The following PDE2A variants were observed in gnomAD, a reference collection of about 807,000 sequenced individuals.
PDE2A encodes phosphodiesterase 2A.
Under a neutral mutation model 133.6 loss-of-function variants are expected in PDE2A, and 53 were observed. That is an observed-to-expected ratio of 0.40 (90% CI 0.32 to 0.50). PDE2A has a LOEUF of 0.50. Ranked by LOEUF, PDE2A falls within the 20% of genes least tolerant of loss-of-function variation. The pLI, the probability that PDE2A is intolerant of heterozygous loss-of-function variation, is 0.73. For synonymous variants in PDE2A, 491 were observed against 490.2 expected, an observed-to-expected ratio of 1.00 and a Z score of -0.02; for missense variants, 796 against 1,232.4, an observed-to-expected ratio of 0.65 and a Z score of 5.30.
At chr11:72,640,509 G>A (rs1326935390) in intron 2 of PDE2A, among the ~76,000 whole-genome samples, 1 of 152,056 alleles carries the variant, frequency 6.6e-6, no homozygotes, top group Admixed American at 6.6e-5. Context: ...AGAATCGCGG[G>A]AGCAGCCACC....
chr11:72,668,535 G>A (rs1169396961), intron 1 of PDE2A: 12 of 696,004 alleles, frequency 1.7e-5, no homozygotes, highest in South Asian at 1.1e-4. Context: ...GGAAGAGGTC[G>A]ATGCTGCTTC....
intron 2 of PDE2A, among the ~76,000 whole-genome samples, chr11:72,641,619 C>T (rs2135436706): frequency 6.6e-6 from 1 of 152,152 alleles, no homozygotes; most frequent in Non-Finnish European, 1.5e-5. Context: ...AGGAGGGGCC[C>T]CCCACGAGGA....
chr11:72,606,038 G>A (rs768964245), intron 3 of PDE2A, among the ~76,000 whole-genome samples: 1 of 151,916 alleles, frequency 6.6e-6, no homozygotes, highest in East Asian at 1.9e-4. Flanking sequence ...ATTTTGGACC[G>A]ATTACTCCTC....
intron 2 of PDE2A, among the ~76,000 whole-genome samples, chr11:72,618,971 C>T (rs148646101): frequency 2.0e-4 from 30 of 152,344 alleles, no homozygotes; most frequent in African/African-American, 5.8e-4. Flanking sequence ...AACAAACATC[C>T]GGAGTCTCTG....
intron 4 of PDE2A, among the ~76,000 whole-genome samples, chr11:72,600,720 C>A (rs1350564952): frequency 1.3e-5 from 2 of 152,134 alleles, no homozygotes; most frequent in East Asian, 1.9e-4. Context: ...CCCACCCTGC[C>A]TTCCAGGCTC....
At chr11:72,669,799 T>C (rs1030852155) in intron 1 of PDE2A, among the ~76,000 whole-genome samples, 4 of 152,200 alleles carry the variant, frequency 2.6e-5, no homozygotes, top group Admixed American at 2.6e-4. Context: ...GGGCCCACAT[T>C]CTTCAGCCAC....
intron 1 of PDE2A, among the ~76,000 whole-genome samples, chr11:72,667,268 A>T (rs1351620212): frequency 6.6e-6 from 1 of 152,162 alleles, no homozygotes; most frequent in Non-Finnish European, 1.5e-5. Flanking sequence ...CTGAGACACA[A>T]GCAATATCCC....
intron 1 of PDE2A, among the ~76,000 whole-genome samples, chr11:72,662,583 G>A (rs999668559): frequency 6.6e-6 from 1 of 152,148 alleles, no homozygotes; most frequent in Non-Finnish European, 1.5e-5. Context: ...GCTCCAGAGA[G>A]TGAAAGCCAC....
At chr11:72,583,582 T>G in intron 19 of PDE2A, 67 bp from the exon 20 acceptor site, 1 of 1,062,068 alleles carries the variant, frequency 9.4e-7, no homozygotes, top group Non-Finnish European at 1.5e-6. Flanking sequence ...TGCCCAGGAC[T>G]GGGATGAAGG....
chr11:72,661,070 C>T (rs56778617), intron 1 of PDE2A, among the ~76,000 whole-genome samples: 4,911 of 151,986 alleles, frequency 0.032, 281 homozygotes, highest in African/African-American at 0.11. Context: ...TTTGGGAGGC[C>T]GAGGCAGGAG....
intron 1 of PDE2A, among the ~76,000 whole-genome samples, chr11:72,647,576 T>G (rs1213388318): frequency 1.3e-5 from 2 of 152,210 alleles, no homozygotes; most frequent in East Asian, 3.8e-4. Flanking sequence ...CTCTGTGACC[T>G]GGGCTAGAGC....
At chr11:72,636,613 T>A (rs1329852198) in intron 2 of PDE2A, among the ~76,000 whole-genome samples, 1 of 152,050 alleles carries the variant, frequency 6.6e-6, no homozygotes, top group African/African-American at 2.4e-5. Context: ...CTCCTATACA[T>A]CTCAGAGACT....
At chr11:72,650,070 G>A (rs995247683) in intron 1 of PDE2A, among the ~76,000 whole-genome samples, 2 of 150,388 alleles carry the variant, frequency 1.3e-5, no homozygotes, top group Non-Finnish European at 1.5e-5. Flanking sequence ...GCCCAGGGCT[G>A]GAGTGCAGTG....
rs1855633116 is a variant in PDE2A at position 72,579,711 on chromosome 11, G to C, written c.2182-103C>G. 5.1e-6 allele frequency: 4 copies of C among 782,324 alleles called. No homozygotes were observed. In the African/African-American group the frequency reaches 6.8e-5, roughly 13 times the overall value. The allele number at this position is 782,324 out of a possible 1,614,324, so 48.5% of individuals were successfully genotyped here. A position where few individuals can be genotyped will look rare whatever the true frequency, so the allele number is the denominator to read the frequency against. On this transcript the variant is annotated intron_variant, in intron 25 of 30. Transcript: ENST00000334456. The stretch of plus-strand genomic sequence containing the variant: ...GGCCTCGTCCAGCTCCAGCCCCCAG[G>C]TCAGCAGAGCAGTCAGAAAGGGGGA...
At chr11:72,658,107 A>C (rs1854948848) in intron 1 of PDE2A, 2 of 456,150 alleles carry the variant, frequency 4.4e-6, no homozygotes, top group Admixed American at 2.3e-5. Context: ...CATTTTACGG[A>C]TGCCGGATGT....
chr11:72,650,663 C>T (rs1054198705), intron 1 of PDE2A, among the ~76,000 whole-genome samples: 1 of 151,620 alleles, frequency 6.6e-6, no homozygotes, highest in Admixed American at 6.6e-5. Context: ...ATGGAGATGC[C>T]TCCTCCTGAT....
rs1280995757 is a variant in PDE2A at position 72,580,613 on chromosome 11, C to T, written c.2145G>A (p.Leu715=). 5 of 1,566,592 alleles carry T rather than the reference C, an allele frequency of 3.2e-6. No homozygotes were observed. In the South Asian group the frequency reaches 4.7e-5, roughly 15 times the overall value. ...NSFQVASKSV[L]AALYSSEGSV... ...AGCCCTCAGAGCTGTAGAGCGCAGCCAGCACAGATTTCTGGAAAAGCCCAG... is the reference window on the plus strand; with the variant it reads ...AGCCCTCAGAGCTGTAGAGCGCAGCTAGCACAGATTTCTGGAAAAGCCCAG... Residue 715 remains leucine, a synonymous_variant, in exon 25 of 31, where the codon CTG becomes CTA. Transcript: ENST00000334456.
intron 1 of PDE2A, among the ~76,000 whole-genome samples, 172 bp downstream of exon 1, chr11:72,673,965 C>A (rs926158435): frequency 6.6e-6 from 1 of 152,182 alleles, no homozygotes; most frequent in African/African-American, 2.4e-5. Context: ...TAACCTGCCC[C>A]CACCCCAGGC....
At chr11:72,661,654 T>C (rs1253384287) in intron 1 of PDE2A, among the ~76,000 whole-genome samples, 1 of 152,180 alleles carries the variant, frequency 6.6e-6, no homozygotes, top group Non-Finnish European at 1.5e-5. Flanking sequence ...GAGGAGGGCC[T>C]TGGGGAAGGG....
Sources: gnomAD v4.1 joint callset for allele counts (sites outside exome capture counted in the v4.1 genomes callset) on GRCh38, gnomAD v4.1.1 for gene constraint, MANE v1.5 for transcripts, NCBI Gene and HGNC (gene_info 2026-07-23, HGNC 2026-07-21) for gene names.